H6PD: variants seen among roughly 807,000 people sequenced by gnomAD.
The protein encoded by H6PD is GDH/6PGL endoplasmic bifunctional protein.
Under a neutral mutation model 61.2 loss-of-function variants are expected in H6PD, and 48 were observed. The ratio of observed to expected loss-of-function variants is 0.78; its 90% CI spans 0.62 to 1.00. The LOEUF (loss-of-function observed/expected upper bound fraction) is 1.00, where lower values mean the gene tolerates loss of function less well. H6PD is among the 50% of genes least tolerant of loss of function. The pLI is 0.00. For missense variants in H6PD, 1,093 were observed against 1,065.0 expected (o/e 1.03, Z -0.37); for synonymous variants, 480 against 457.9 (o/e 1.05, Z -0.62).
Position 9,245,618 on chromosome 1 carries a change from C to T in H6PD, c.627+57C>T. 3 of 1,555,536 alleles carry T rather than the reference C, an allele frequency of 1.9e-6. No homozygotes were observed. Among genetic ancestry groups the T allele is most frequent in the Non-Finnish European group, 1.8e-6 (2 of 1,128,124 alleles). ...GGGTGAGCTGGGCGCTGGTAGACCC[C>T]AGCAACAAAGCCGCTCGCTCATTGT... On this transcript the variant is annotated intron_variant, in intron 2 of 4. Coordinates refer to ENST00000377403, the MANE Select transcript of H6PD (RefSeq NM_004285.4). This position sits in a 1 kb window ranked among gnomAD's most constrained non-coding sequence, Gnocchi z 4.8.
intron 3 of H6PD, among the ~76,000 whole-genome samples, chr1:9,257,740 G>A (rs1641564106): frequency 6.6e-6 from 1 of 152,208 alleles, no homozygotes; most frequent in Non-Finnish European, 1.5e-5. Flanking sequence ...GAGCCCTTAA[G>A]GATGACTGGG....
Position 9,245,068 on chromosome 1 carries a change from G to A in H6PD, c.134G>A (p.Gly45Glu), listed in dbSNP as rs1245519061. 1 of 1,614,228 alleles carries A rather than the reference G, an allele frequency of 6.2e-7. No homozygotes were observed. The highest frequency in any genetic ancestry group is 2.2e-5 in the East Asian group (1 of 44,886). The change falls in exon 2 of 5, where the codon GGA (glycine) becomes GAA (glutamate). Residue 45 changes from glycine to glutamate, a missense_variant. Coordinates refer to ENST00000377403, the MANE Select transcript of H6PD (RefSeq NM_004285.4). This position sits in a 1 kb window ranked among gnomAD's most constrained non-coding sequence, Gnocchi z 4.8. Reference protein sequence around the residue: ...GDLAKKYLWQGLFQLYLDEAG... With the variant: ...GDLAKKYLWQELFQLYLDEAG... ...CTGGCTAAGAAGTACTTATGGCAGGGACTGTTCCAGCTGTACCTGGATGAA... is the reference window on the plus strand; with the variant it reads ...CTGGCTAAGAAGTACTTATGGCAGGAACTGTTCCAGCTGTACCTGGATGAA...
intron 3 of H6PD, among the ~76,000 whole-genome samples, chr1:9,261,122 G>T (rs540858057): frequency 6.6e-6 from 1 of 152,092 alleles, no homozygotes; most frequent in African/African-American, 2.4e-5. Context: ...TGCCTTCCCT[G>T]CATCTGCACC....
chr1:9,267,556 C>G lies in H6PD; in HGVS notation c.*2687C>G, dbSNP rs1638608916. 2 of 152,268 alleles carry G rather than the reference C, an allele frequency of 1.3e-5. No homozygotes were observed. Among genetic ancestry groups the G allele is most frequent in the African/African-American group, 2.4e-5 (1 of 41,458 alleles). 9.4% of individuals were successfully genotyped at this position (152,268 alleles called of 1,614,324 possible). A position where few individuals can be genotyped will look rare whatever the true frequency, so the allele number is the denominator to read the frequency against. ...GCCGCCGAGTCTAGGATGTCCTGTT[C>G]TAACTCAGCCCTGCCTCGGATGCAC... On this transcript the variant is annotated 3_prime_UTR_variant, in exon 5 of 5. Transcript: ENST00000377403.
intron 2 of H6PD, among the ~76,000 whole-genome samples, chr1:9,246,536 C>T (rs140092935): frequency 1.3e-5 from 2 of 152,258 alleles, no homozygotes; most frequent in Non-Finnish European, 2.9e-5. Flanking sequence ...TTCCATCCCA[C>T]CCTGCCTGGA....
In H6PD at chr1:9,263,955, C is replaced by T. The variant is rs372826721; in HGVS notation, c.1462C>T (p.Pro488Ser). 20 of 1,614,104 alleles carry T rather than the reference C, an allele frequency of 1.2e-5. No individual in the cohort carries two copies. The highest frequency in any genetic ancestry group is 1.7e-5 in the Non-Finnish European group (20 of 1,180,036). Residue 488 changes from proline (P) to serine (S), a missense_variant, in exon 5 of 5, where the codon CCT (proline) becomes TCT (serine). Physicochemically the swap from Pro to Ser is moderately conservative, Grantham distance 74. Transcript: ENST00000377403. The stretch of plus-strand genomic sequence containing the variant: ...GCTGGCCTCCTGGAACTTCTGGACC[C>T]CTCTGCTGGAGAGCCTGGCCCATAA... ...NLLASWNFWT[P>S]LLESLAHKAP...
At chr1:9,241,343 C>T (rs909302914) in intron 1 of H6PD, among the ~76,000 whole-genome samples, 3 of 149,412 alleles carry the variant, frequency 2.0e-5, no homozygotes, top group African/African-American at 7.4e-5. Context: ...ATCACCTACC[C>T]ACCCTTATGG....
rs1218961102 is a variant in H6PD at position 9,269,098 on chromosome 1, A to C, written c.*4229A>C. ...CTCAGTGTCAGAGTGAGCACGGCAC[A>C]GGAAAGGCCCGTGGTGACGAGGGTG... is the stretch of plus-strand genomic sequence containing the variant. On this transcript the variant is annotated 3_prime_UTR_variant, in exon 5 of 5. Transcript: ENST00000377403. This position sits in a 1 kb window ranked among gnomAD's most constrained non-coding sequence, Gnocchi z 4.3. 1 of 152,122 alleles carries C rather than the reference A, an allele frequency of 6.6e-6. No homozygotes were observed. Among genetic ancestry groups the C allele is most frequent in the Non-Finnish European group, 1.5e-5 (1 of 68,042 alleles). 9.4% of individuals were successfully genotyped at this position (152,122 alleles called of 1,614,324 possible).
rs558523911 is a variant in H6PD, at chr1:9,266,903, C to T, written c.*2034C>T. Reference sequence around the variant, plus strand: ...TGGCGAGATCTTGGCTCACTACAACCTCCACCTCCCGGGTTCAGGCAATTC... The same window carrying T: ...TGGCGAGATCTTGGCTCACTACAACTTCCACCTCCCGGGTTCAGGCAATTC... On this transcript the variant is annotated 3_prime_UTR_variant, in exon 5 of 5. Coordinates refer to ENST00000377403, the MANE Select transcript of H6PD (RefSeq NM_004285.4). 6.6e-6 allele frequency: 1 copy of T among 152,290 alleles called. No homozygotes were observed. Among genetic ancestry groups the T allele is most frequent in the African/African-American group, 2.4e-5 (1 of 41,558 alleles). The allele number at this position is 152,290 out of a possible 1,614,324, so 9.4% of individuals were successfully genotyped here.
rs749654021 is a variant in H6PD at position 9,264,895 on chromosome 1, C to T, written c.*26C>T. On this transcript the variant is annotated 3_prime_UTR_variant, in exon 5 of 5. Transcript: ENST00000377403. ...GGGCGCCTGTGCCCCTTGCCCGCTT[C>T]GCTCCTGTGCTTTCCTTCGCCCGTG... 7.5e-6 allele frequency: 12 copies of T among 1,608,616 alleles called. No individual in the cohort carries two copies. Among genetic ancestry groups the T allele is most frequent in the African/African-American group, 2.7e-5 (2 of 74,876 alleles).
intron 3 of H6PD, among the ~76,000 whole-genome samples, chr1:9,253,064 C>G (rs1360401080): frequency 1.3e-5 from 2 of 152,196 alleles, no homozygotes; most frequent in African/African-American, 4.8e-5. Flanking sequence ...TCAACATCAG[C>G]AGGAGGGCCA....
chr1:9,263,880 T>C lies in H6PD; in HGVS notation c.1387T>C (p.Ser463Pro). Reference sequence around the variant, plus strand: ...GCGGGACGCCCACTCCGTCCTCTTATCCCATATCTTCCATGGCCGGAAGAA... The same window carrying C: ...GCGGGACGCCCACTCCGTCCTCTTACCCCATATCTTCCATGGCCGGAAGAA... Reference protein sequence around the residue: ...RERDAHSVLLSHIFHGRKNFF... With the variant: ...RERDAHSVLLPHIFHGRKNFF... The change falls in exon 5 of 5, where the codon TCC (serine) becomes CCC (proline). Residue 463 changes from serine to proline, a missense_variant. Coordinates refer to ENST00000377403, the MANE Select transcript of H6PD (RefSeq NM_004285.4). 6.2e-7 allele frequency: 1 copy of C among 1,614,124 alleles called. No individual in the cohort carries two copies. Among genetic ancestry groups the C allele is most frequent in the East Asian group, 2.2e-5 (1 of 44,878 alleles).
chr1:9,249,830 C>G (rs780867658), intron 3 of H6PD, among the ~76,000 whole-genome samples: 1 of 152,224 alleles, frequency 6.6e-6, no homozygotes, highest in African/African-American at 2.4e-5. Context: ...CTTGATAGCT[C>G]GTAGCAGGGA....
rs1384996921 is a variant in H6PD at position 9,245,039 on chromosome 1, G to A, written c.105G>A (p.Gly35=). The A allele has an allele frequency of 6.2e-7, 1 of 1,614,194 alleles. No individual in the cohort carries two copies. The part of the protein sequence containing the change: ...HVSIILLGAT[G]DLAKKYLWQG... ...CCATAATCCTGCTGGGAGCAACTGG[G>A]GACCTGGCTAAGAAGTACTTATGGC... Residue 35 remains glycine, a synonymous_variant, in exon 2 of 5, where the codon GGG becomes GGA. Transcript: ENST00000377403. The surrounding 1 kb of genome is among the most constrained non-coding windows in gnomAD (Gnocchi z 4.8).
rs558537168 is a variant in H6PD, at chr1:9,245,598, A to C, written c.627+37A>C. 7 of 1,607,002 alleles carry C rather than the reference A, an allele frequency of 4.4e-6. No individual in the cohort carries two copies. The East Asian group carries it at 1.1e-4, about 26-fold the overall frequency. On this transcript the variant is annotated intron_variant, in intron 2 of 4. Coordinates refer to ENST00000377403, the MANE Select transcript of H6PD (RefSeq NM_004285.4). This position sits in a 1 kb window ranked among gnomAD's most constrained non-coding sequence, Gnocchi z 4.8. ...CATGGAGCCTGCCAGGGCTAGGGTG[A>C]GCTGGGCGCTGGTAGACCCCAGCAA...
In H6PD at chr1:9,263,713, T is replaced by G; in HGVS notation, c.1220T>G (p.Leu407Arg). The change falls in exon 5 of 5, where the codon CTG (leucine) becomes CGG (arginine). Residue 407 changes from leucine (L) to arginine (R), a missense_variant. By Grantham distance (102) the Leu-to-Arg change is moderately radical. Transcript: ENST00000377403. ...GTCTTCCACATCGGCCATGGCGACCTGGGCAGCCCTGCCGTGCTGGTCAGC... is the reference window on the plus strand; with the variant it reads ...GTCTTCCACATCGGCCATGGCGACCGGGGCAGCCCTGCCGTGCTGGTCAGC... ...QLVFHIGHGD[L>R]GSPAVLVSRN... 1 of 1,614,002 alleles carries G rather than the reference T, an allele frequency of 6.2e-7. No individual in the cohort carries two copies.
At chr1:9,258,675 G>A (rs943302694) in intron 3 of H6PD, among the ~76,000 whole-genome samples, 7 of 151,962 alleles carry the variant, frequency 4.6e-5, no homozygotes, top group African/African-American at 1.7e-4. Flanking sequence ...TTGTTGTTAC[G>A]CTGGTGTTAC....
rs1158882880 is a variant in H6PD, at chr1:9,269,294, A to C, written c.*4425A>C. On this transcript the variant is annotated 3_prime_UTR_variant, in exon 5 of 5. Coordinates refer to ENST00000377403, the MANE Select transcript of H6PD (RefSeq NM_004285.4). This position sits in a 1 kb window ranked among gnomAD's most constrained non-coding sequence, Gnocchi z 4.3. ...TCCCTCTCTCCGCAACTCTCCCGTGAGGCTGCACCCGTGTGGGTAGCACTG... is the reference window on the plus strand; with the variant it reads ...TCCCTCTCTCCGCAACTCTCCCGTGCGGCTGCACCCGTGTGGGTAGCACTG... The C allele has an allele frequency of 6.6e-6, 1 of 152,306 alleles. No homozygotes were observed. The highest frequency in any genetic ancestry group is 2.4e-5 in the African/African-American group (1 of 41,452). The allele number at this position is 152,306 out of a possible 1,614,324, so 9.4% of individuals were successfully genotyped here.
In H6PD at chr1:9,266,824, A is replaced by G. The variant is rs1161392579; in HGVS notation, c.*1955A>G. 2.6e-5 allele frequency: 1 copy of G among 38,050 alleles called. No homozygotes were observed. Among genetic ancestry groups the G allele is most frequent in the East Asian group, 6.3e-4 (1 of 1,578 alleles). The allele number at this position is 38,050 out of a possible 1,614,324, so 2.4% of individuals were successfully genotyped here. On this transcript the variant is annotated 3_prime_UTR_variant, in exon 5 of 5. Transcript: ENST00000377403. ...AACAACAACCCAGGCCAGACAGAGC[A>G]TCTCTTTTTTTTTTTTTTGAGACAG...
Sources: gnomAD v4.1 joint callset for allele counts (sites outside exome capture counted in the v4.1 genomes callset) on GRCh38, gnomAD v4.1.1 for gene constraint, Gnocchi (gnomAD v3.1) non-coding constraint, MANE v1.5 for transcripts, NCBI Gene and HGNC (gene_info 2026-07-23, HGNC 2026-07-21) for gene names.